The following FAM151A variants were observed in gnomAD, a reference collection of about 807,000 sequenced individuals.
FAM151A encodes the protein family with sequence similarity 151 member A.
In FAM151A, 41 loss-of-function variants were observed where a neutral mutation model predicts 40.4. The observed-to-expected ratio is 1.01, with a 90% CI of 0.79 to 1.32. The LOEUF is 1.32. Among genes scored for constraint, FAM151A ranks in the 40% most tolerant of loss-of-function variants. The pLI is 0.00. For synonymous variants in FAM151A, 337 were observed against 312.5 expected (o/e 1.08, Z -0.83); for missense variants, 740 against 740.4 (o/e 1.00, Z 0.01).
intron 1 of FAM151A, chr1:54,621,736 G>A (rs1442250716): frequency 1.3e-5 from 2 of 152,856 alleles, no homozygotes; most frequent in African/African-American, 4.8e-5. Context: ...CAGAGCCCTT[G>A]AGGCTCAGGA....
Position 54,616,218 on chromosome 1 carries a change from G to A in FAM151A, c.263-46C>T, listed in dbSNP as rs1644172153. On this transcript the variant is annotated intron_variant, in intron 2 of 7. Transcript: ENST00000302250. ...CAGTGAGTTCCTTTTTTTAAAAAAA[G>A]AAAACTTCTTTCTCATCATAAAAGC... 3.9e-6 allele frequency: 6 copies of A among 1,531,472 alleles called. No individual in the cohort carries two copies. The African/African-American group carries it at 4.2e-5, about 11-fold the overall frequency. The allele number at this position is 1,531,472 out of a possible 1,614,324, so 94.9% of individuals were successfully genotyped here.
At position 54,609,984 on chromosome 1, in the gene FAM151A, A is replaced by G. The variant is rs201810227; in HGVS notation, c.1085-43T>C. 1.6e-4 allele frequency: 245 copies of G among 1,571,224 alleles called. 1 individual carries two copies. The African/African-American group carries it at 3.0e-3, about 19-fold the overall frequency. On this transcript the variant is annotated intron_variant, in intron 7 of 7. Transcript: ENST00000302250. ...GGCAACAGTGTTTAGGATTTGGGTT[A>G]TCATAAGGTGTTAAGAGTCCCTTGT...
At chr1:54,614,975 T>G in intron 3 of FAM151A, 116 bp from the exon 4 acceptor site, 1 of 903,332 alleles carries the variant, frequency 1.1e-6, no homozygotes, top group Non-Finnish European at 1.7e-6. Flanking sequence ...CACAGTGGAG[T>G]CAGGGGAGGG....
In FAM151A at chr1:54,609,541, T is replaced by C; in HGVS notation, c.1485A>G (p.Thr495=). ...LGSGYREQLL[T]DMLELCQGLW... is the part of the protein sequence containing the mutation. Reference sequence around the variant, plus strand: ...GCCCCTGGCACAACTCTAGCATATCTGTGAGCAGCTGTTCCCTGTAGCCAC... The same window carrying C: ...GCCCCTGGCACAACTCTAGCATATCCGTGAGCAGCTGTTCCCTGTAGCCAC... The change falls in exon 8 of 8, where the codon ACA becomes ACG. Residue 495 remains threonine (T), a synonymous_variant. Transcript: ENST00000302250. 6.2e-7 allele frequency: 1 copy of C among 1,612,814 alleles called. No individual in the cohort carries two copies. The highest frequency in any genetic ancestry group is 8.5e-7 in the Non-Finnish European group (1 of 1,180,020).
rs374971961 is a variant in FAM151A at position 54,609,263 on chromosome 1, G to A, written c.*5C>T. 5.6e-6 allele frequency: 9 copies of A among 1,600,692 alleles called. No individual in the cohort carries two copies. The highest frequency in any genetic ancestry group is 1.1e-5 in the South Asian group (1 of 89,570). ...GAGGTCCGCTGGCCCACCACCCCTG[G>A]GTGCTCAGTTTCTACCAACATGAGC... On this transcript the variant is annotated 3_prime_UTR_variant, in exon 8 of 8. Coordinates refer to ENST00000302250, the MANE Select transcript of FAM151A (RefSeq NM_176782.3).
At position 54,612,536 on chromosome 1, in the gene FAM151A, C is replaced by T. The variant is rs1453474195; in HGVS notation, c.750G>A (p.Met250Ile). The T allele has an allele frequency of 6.2e-7, 1 of 1,614,060 alleles. No homozygotes were observed. The highest frequency in any genetic ancestry group is 1.1e-5 in the South Asian group (1 of 91,082). The change falls in exon 5 of 8, where the codon ATG becomes ATA. Residue 250 changes from methionine to isoleucine, a missense_variant. Met to Ile is a conservative substitution (Grantham distance 10, BLOSUM62 1). Coordinates refer to ENST00000302250, the MANE Select transcript of FAM151A (RefSeq NM_176782.3). ...QRVTFPVRSS[M>I]VRAAWPHFSW... ...TGAAGTGGGGCCAGGCAGCCCGCAC[C>T]ATGGAAGACCGTACAGGGAAGGTGA...
chr1:54,611,655 G>C lies in FAM151A; in HGVS notation c.891C>G (p.Val297=), dbSNP rs976999517. ...GGAGAGGCTCAAAGATGTCATAGTA[G>C]ACTTGGTGGACAGCAGTGTTATCCC... ...YVRDNTAVHQ[V]YYDIFEPLLS... Residue 297 remains valine, a synonymous_variant, in exon 6 of 8, where the codon GTC becomes GTG. Transcript: ENST00000302250. The C allele has an allele frequency of 2.5e-6, 4 of 1,613,932 alleles. No homozygotes were observed. The highest frequency in any genetic ancestry group is 2.2e-5 in the East Asian group (1 of 44,868).
intron 2 of FAM151A, 64 bp from the exon 3 acceptor site, chr1:54,616,236 A>G: frequency 7.1e-7 from 1 of 1,405,252 alleles, no homozygotes; most frequent in African/African-American, 1.4e-5. Context: ...CTTTCTCATC[A>G]TAAAAGCATT....
rs772698420 is a variant in FAM151A at position 54,616,090 on chromosome 1, G to A, written c.345C>T (p.His115=). The change falls in exon 3 of 8, where the codon CAC becomes CAT. Residue 115 remains histidine (H), a synonymous_variant. Coordinates refer to ENST00000302250, the MANE Select transcript of FAM151A (RefSeq NM_176782.3). ...TGTTGTCACTGTAGATAGTGGGGGG[G>A]TGTGCCATGATGGGAACTCCTGTCT... is the stretch of plus-strand genomic sequence containing the variant. ...ANETGVPIMA[H]PPTIYSDNTL... 1.2e-6 allele frequency: 2 copies of A among 1,614,050 alleles called. No homozygotes were observed. The highest frequency in any genetic ancestry group is 1.7e-6 in the Non-Finnish European group (2 of 1,180,024).
At chr1:54,615,936 T>G in intron 3 of FAM151A, 84 bp downstream of exon 3, 2 of 1,436,294 alleles carry the variant, frequency 1.4e-6, no homozygotes, top group Non-Finnish European at 1.9e-6. Context: ...GGGCTGGACT[T>G]GCTTCCCAGT....
At chr1:54,613,315 G>T (rs1016371848) in intron 4 of FAM151A, among the ~76,000 whole-genome samples, 1 of 151,958 alleles carries the variant, frequency 6.6e-6, no homozygotes, top group Non-Finnish European at 1.5e-5. Context: ...GGAGGCGGAG[G>T]TTGTGGTGAG....
chr1:54,612,415 A>C, intron 5 of FAM151A, 71 bp downstream of exon 5: 1 of 1,139,940 alleles, frequency 8.8e-7, no homozygotes, highest in Non-Finnish European at 1.3e-6. Flanking sequence ...CCTTCCAGCC[A>C]TGAGCTTCTG....
Position 54,609,296 on chromosome 1 carries a change from T to C in FAM151A, c.1730A>G (p.Asp577Gly). 1 of 1,609,240 alleles carries C rather than the reference T, an allele frequency of 6.2e-7. No individual in the cohort carries two copies. Among genetic ancestry groups the C allele is most frequent in the Non-Finnish European group, 8.5e-7 (1 of 1,176,356 alleles). ...YYRLPQGYHK[D>G]LLAHVGRN Reference sequence around the variant, plus strand: ...GTTTCTACCAACATGAGCCAGCAAGTCCTTGTGGTAGCCCTGGGGTAGCCT... The same window carrying C: ...GTTTCTACCAACATGAGCCAGCAAGCCCTTGTGGTAGCCCTGGGGTAGCCT... The change falls in exon 8 of 8, where the codon GAC becomes GGC. Residue 577 changes from aspartate (D) to glycine (G), a missense_variant. Coordinates refer to ENST00000302250, the MANE Select transcript of FAM151A (RefSeq NM_176782.3).
chr1:54,614,529 AG>A (rs926038000), intron 4 of FAM151A, among the ~76,000 whole-genome samples, 170 bp downstream of exon 4: 17 of 152,258 alleles, frequency 1.1e-4, no homozygotes, highest in African/African-American at 4.1e-4. Flanking sequence ...TTGTCAGAAA[AG>A]GGGGGAAAGG....
chr1:54,622,239 G>A (rs1393409436), intron 1 of FAM151A, among the ~76,000 whole-genome samples: 1 of 132,552 alleles, frequency 7.5e-6, no homozygotes, highest in South Asian at 2.6e-4. Context: ...TCATGTCACC[G>A]CACTCTAGGC....
rs753726688 is a variant in FAM151A, at chr1:54,616,084, G to C, written c.351C>G (p.Pro117=). 2.2e-5 allele frequency: 35 copies of C among 1,613,362 alleles called. No homozygotes were observed. The highest frequency in any genetic ancestry group is 3.3e-4 in the Middle Eastern group (2 of 6,076). Residue 117 remains proline, a synonymous_variant, in exon 3 of 8, where the codon CCC becomes CCG. Transcript: ENST00000302250. ...CCAGTGTGTTGTCACTGTAGATAGT[G>C]GGGGGGTGTGCCATGATGGGAACTC... ...ETGVPIMAHP[P]TIYSDNTLEQ...
At chr1:54,610,346 C>A in intron 7 of FAM151A, 66 bp downstream of exon 7, 5 of 1,578,500 alleles carry the variant, frequency 3.2e-6, no homozygotes, top group Non-Finnish European at 3.4e-6. Flanking sequence ...CCGGCGGTAC[C>A]TGCCCCAAGC....
Position 54,609,660 on chromosome 1 carries a change from C to G in FAM151A, c.1366G>C (p.Gly456Arg). The change falls in exon 8 of 8, where the codon GGC becomes CGC. Residue 456 changes from glycine (G) to arginine (R), a missense_variant. Gly to Arg is a moderately radical substitution (Grantham distance 125). Transcript: ENST00000302250. Reference sequence around the variant, plus strand: ...AGCAGCTCTCTGCCAGCCACATGGCCGGGGACCGAAAAACTCCCGTGGGAG... The same window carrying G: ...AGCAGCTCTCTGCCAGCCACATGGCGGGGGACCGAAAAACTCCCGTGGGAG... ...KISHGSFSVPGHVAGRELLTA... is the reference protein window; with the variant it reads ...KISHGSFSVPRHVAGRELLTA... 6 of 1,613,976 alleles carry G rather than the reference C, an allele frequency of 3.7e-6. No individual in the cohort carries two copies. Among genetic ancestry groups the G allele is most frequent in the South Asian group, 1.1e-5 (1 of 91,092 alleles).
rs1437329871 is a variant in FAM151A, at chr1:54,609,375, CAG to C, written c.1649_1650del (p.Ser550CysfsTer9). 3 of 1,614,076 alleles carry C rather than the reference CAG, an allele frequency of 1.9e-6. No individual in the cohort carries two copies. The highest frequency in any genetic ancestry group is 2.5e-6 in the Non-Finnish European group (3 of 1,180,038). On this transcript the variant is annotated frameshift_variant, in exon 8 of 8. Transcript: ENST00000302250. LOFTEE classifies it low-confidence loss of function (END_TRUNC). ...CTAGCTGCCAGCAATGCTGTCCTCA[CAG>C]AGGCATAGTCGCCCCCAGCTGGGTT... is the stretch of plus-strand genomic sequence containing the variant. ...EHNPAGGDYA[S>X]VRTALLAARA...
Sources: allele counts gnomAD v4.1 joint callset (sites outside exome capture counted in the v4.1 genomes callset), GRCh38; gene constraint gnomAD v4.1.1; transcripts MANE v1.5; gene names NCBI Gene and HGNC (gene_info 2026-07-23, HGNC 2026-07-21).